Variants in MSH3 observed in about 807,000 individuals in gnomAD.
MSH3 encodes DNA mismatch repair protein Msh3.
A neutral mutation model predicts 123.3 loss-of-function variants in MSH3; 106 were observed. That is an observed-to-expected ratio of 0.86 (90% confidence interval 0.73 to 1.01). The LOEUF is 1.01. Among genes scored for constraint, MSH3 ranks in the 50% least tolerant of loss-of-function variants. The pLI, the probability that MSH3 is intolerant of heterozygous loss-of-function variation, is 0.00. For synonymous variants in MSH3, 515 were observed against 481.4 expected, an observed-to-expected ratio of 1.07 and a Z score of -0.91; for missense variants, 1,459 against 1,347.6, an observed-to-expected ratio of 1.08 and a Z score of -1.29.
intron 20 of MSH3, among the ~76,000 whole-genome samples, chr5:80,841,651 A>T (rs1413766539): frequency 6.6e-6 from 1 of 152,212 alleles, no homozygotes; most frequent in East Asian, 1.9e-4. Context: ...TTCTCTGGTG[A>T]CCAGTGATGA....
intron 20 of MSH3, among the ~76,000 whole-genome samples, chr5:80,827,898 A>G (rs998055381): frequency 6.6e-6 from 1 of 152,296 alleles, no homozygotes; most frequent in African/African-American, 2.4e-5. Context: ...TTTTTAAAAA[A>G]GACTTTAATT....
chr5:80,796,342 T>C (rs1744698232), intron 19 of MSH3, among the ~76,000 whole-genome samples: 1 of 152,162 alleles, frequency 6.6e-6, no homozygotes, highest in African/African-American at 2.4e-5. Flanking sequence ...TTTAAATCTT[T>C]ACAAAGTAAA....
chr5:80,798,526 A>G (rs1269483025), intron 19 of MSH3, among the ~76,000 whole-genome samples: 1 of 152,230 alleles, frequency 6.6e-6, no homozygotes, highest in Non-Finnish European at 1.5e-5. Flanking sequence ...GTAATAATAC[A>G]TACCATAAAA....
rs1437104669 is a variant in MSH3 at position 80,743,710 on chromosome 5, G to C, written c.1654-796G>C. Among the ~76,000 whole-genome samples, 9 of 51,696 alleles carry C rather than the reference G, an allele frequency of 1.7e-4. 3 individuals are homozygous for C. The highest frequency in any genetic ancestry group is 6.9e-4 in the African/African-American group (9 of 12,982). 33.9% of individuals were successfully genotyped at this position (51,696 alleles called of 152,430 possible). ...ATACAAAAAATTAGCCGGGCGTGGT[G>C]GCGGGCGCCTGTAGTCCCAGCTACT... On this transcript the variant is annotated intron_variant, in intron 11 of 23. Coordinates refer to ENST00000265081, the MANE Select transcript of MSH3 (RefSeq NM_002439.5).
At chr5:80,862,796 A>C (rs1746035520) in intron 21 of MSH3, among the ~76,000 whole-genome samples, 1 of 152,180 alleles carries the variant, frequency 6.6e-6, no homozygotes, top group South Asian at 2.1e-4. Flanking sequence ...ACTGACACTA[A>C]CAAAAATAAA....
intron 12 of MSH3, among the ~76,000 whole-genome samples, chr5:80,751,226 G>C (rs963425720): frequency 6.6e-6 from 1 of 152,158 alleles, no homozygotes; most frequent in East Asian, 1.9e-4. Flanking sequence ...TTTGAAAAGA[G>C]CTTCTATCAG....
chr5:80,838,090 T>G (rs1264750655), intron 20 of MSH3, among the ~76,000 whole-genome samples: 3 of 152,206 alleles, frequency 2.0e-5, no homozygotes, highest in Non-Finnish European at 4.4e-5. Flanking sequence ...TACAACATCA[T>G]ATAATCGTGA....
chr5:80,778,874 C>A, intron 17 of MSH3, 38 bp downstream of exon 17: 2 of 1,148,652 alleles, frequency 1.7e-6, no homozygotes, highest in Non-Finnish European at 2.6e-6. Flanking sequence ...TGACTTTTTG[C>A]TATCAGAAAC....
intron 2 of MSH3, among the ~76,000 whole-genome samples, chr5:80,657,320 A>C (rs1051702008): frequency 2.6e-5 from 4 of 152,194 alleles, no homozygotes; most frequent in African/African-American, 9.7e-5. Flanking sequence ...AGTTGCCTGT[A>C]ATCCCAGCTA....
At chr5:80,735,589 G>A (rs1474683936) in intron 10 of MSH3, among the ~76,000 whole-genome samples, 2 of 151,980 alleles carry the variant, frequency 1.3e-5, no homozygotes, top group Non-Finnish European at 1.5e-5. Context: ...CACTCTGGAG[G>A]CTGAGGCAGG....
At position 80,767,925 on chromosome 5, in the gene MSH3, A is replaced by G. The variant is rs6151800; in HGVS notation, c.1897-8A>G. ...ATGCTATTTCATAAAAAATATTTCT[A>G]TTTTCAGTGTTCTACCCAAGAGTTC... On this transcript the variant is annotated splice_polypyrimidine_tract_variant and splice_region_variant and intron_variant, in intron 13 of 23. Coordinates refer to ENST00000265081, the MANE Select transcript of MSH3 (RefSeq NM_002439.5). 11,482 of 1,591,762 alleles carry G rather than the reference A, an allele frequency of 7.2e-3. 618 individuals carry two copies. In the African/African-American group the frequency reaches 0.13, roughly 17 times the overall value.
chr5:80,682,024 A>G lies in MSH3; in HGVS notation c.1340+2931A>G, dbSNP rs184791525. Reference sequence around the variant, plus strand: ...TTTACTGACCGTGTGTAATTTTTCAATCTTTGCACTTTTTTTTGTATCCTT... The same window carrying G: ...TTTACTGACCGTGTGTAATTTTTCAGTCTTTGCACTTTTTTTTGTATCCTT... On this transcript the variant is annotated intron_variant, in intron 8 of 23. Transcript: ENST00000265081. 1.4e-4 allele frequency among the ~76,000 whole-genome samples: 21 copies of G among 152,318 alleles called. No homozygotes were observed. The East Asian group carries it at 2.9e-3, about 21-fold the overall frequency.
intron 14 of MSH3, among the ~76,000 whole-genome samples, chr5:80,768,628 A>G (rs568475463): frequency 6.6e-6 from 1 of 152,290 alleles, no homozygotes; most frequent in South Asian, 2.1e-4. Flanking sequence ...CATGGGAATC[A>G]TGAAGTTAAA....
chr5:80,707,681 A>C (rs1177585368), intron 8 of MSH3, among the ~76,000 whole-genome samples: 1 of 152,242 alleles, frequency 6.6e-6, no homozygotes, highest in South Asian at 2.1e-4. Flanking sequence ...TCAGTGAGCC[A>C]TAATTGTGCC....
rs191000794 is a variant in MSH3 at position 80,695,377 on chromosome 5, C to T, written c.1340+16284C>T. ...TGAGACAGAGTTTTGCTTTTGTGCC[C>T]AGGCTGGAGTGCAGTGGCATGATCT... On this transcript the variant is annotated intron_variant, in intron 8 of 23. Coordinates refer to ENST00000265081, the MANE Select transcript of MSH3 (RefSeq NM_002439.5). Among the ~76,000 whole-genome samples, 497 of 151,922 alleles carry T rather than the reference C, an allele frequency of 3.3e-3. 5 individuals are homozygous for T. The highest frequency in any genetic ancestry group is 0.012 in the African/African-American group (477 of 41,436).
At chr5:80,684,333 G>A (rs1750037493) in intron 8 of MSH3, among the ~76,000 whole-genome samples, 1 of 151,750 alleles carries the variant, frequency 6.6e-6, no homozygotes, top group African/African-American at 2.4e-5. Context: ...TCCCTTTTTT[G>A]TGTGTTCTCT....
At chr5:80,711,519 C>T (rs988696720) in intron 8 of MSH3, among the ~76,000 whole-genome samples, 1 of 152,156 alleles carries the variant, frequency 6.6e-6, no homozygotes, top group African/African-American at 2.4e-5. Flanking sequence ...GGGTCTTCCT[C>T]ACCTTGGTTC....
chr5:80,751,883 A>G (rs1743845963), intron 12 of MSH3, among the ~76,000 whole-genome samples: 1 of 152,102 alleles, frequency 6.6e-6, no homozygotes, highest in Admixed American at 6.6e-5. Context: ...GACTGATTAT[A>G]CCCATCTCTT....
At chr5:80,720,565 C>G (rs1271079358) in intron 8 of MSH3, among the ~76,000 whole-genome samples, 1 of 151,956 alleles carries the variant, frequency 6.6e-6, no homozygotes, top group Non-Finnish European at 1.5e-5. Context: ...TTCCTTTTGT[C>G]TCTAATTCCT....
Sources: allele counts gnomAD v4.1 joint callset (sites outside exome capture counted in the v4.1 genomes callset), GRCh38; gene constraint gnomAD v4.1.1; transcripts MANE v1.5; gene names NCBI Gene and HGNC (gene_info 2026-07-23, HGNC 2026-07-21).